The following THSD7B variants were observed in gnomAD, a reference collection of about 807,000 sequenced individuals.
THSD7B encodes the protein thrombospondin type 1 domain containing 7B.
THSD7B carries 138 observed loss-of-function variants against 213.6 expected under a neutral mutation model. The ratio of observed to expected loss-of-function variants is 0.65; its 90% CI spans 0.56 to 0.74. The LOEUF is 0.74. Among genes scored for constraint, THSD7B ranks in the 30% least tolerant of loss-of-function variants. The pLI is 0.00. For missense variants in THSD7B, 1,931 were observed against 1,991.5 expected, an observed-to-expected ratio of 0.97 and a Z score of 0.58; for synonymous variants, 742 against 687.0, an observed-to-expected ratio of 1.08 and a Z score of -1.25.
chr2:137,518,155 C>T (rs1680109965), intron 15 of THSD7B, among the ~76,000 whole-genome samples: 1 of 152,156 alleles, frequency 6.6e-6, no homozygotes, highest in African/African-American at 2.4e-5. Context: ...ATGGTCTCCA[C>T]TCCTGCCACC....
chr2:137,536,018 C>T (rs550417141), intron 15 of THSD7B, among the ~76,000 whole-genome samples: 8 of 150,636 alleles, frequency 5.3e-5, no homozygotes, highest in East Asian at 2.0e-4. Context: ...GGGACCTAAC[C>T]GGCCATGAGT....
chr2:137,479,138 G>A (rs1387650026), intron 15 of THSD7B, among the ~76,000 whole-genome samples: 1 of 152,250 alleles, frequency 6.6e-6, no homozygotes, highest in African/African-American at 2.4e-5. Flanking sequence ...TGGCAGTGCA[G>A]TGGCAGAACA....
At chr2:137,607,526 G>A (rs1319353221) in intron 17 of THSD7B, among the ~76,000 whole-genome samples, 2 of 152,114 alleles carry the variant, frequency 1.3e-5, no homozygotes, top group East Asian at 3.9e-4. Flanking sequence ...GTCCATATTT[G>A]TAGTTCTCAT....
At chr2:137,666,240 T>C (rs551086810) in intron 26 of THSD7B, among the ~76,000 whole-genome samples, 41 of 152,220 alleles carry the variant, frequency 2.7e-4, no homozygotes, top group South Asian at 1.2e-3. Context: ...TAAGTTGTTA[T>C]GGATTATAAG....
chr2:137,345,294 C>T (rs545226907), intron 12 of THSD7B, among the ~76,000 whole-genome samples: 14 of 151,570 alleles, frequency 9.2e-5, no homozygotes, highest in Non-Finnish European at 1.8e-4. Context: ...GAATAAAACA[C>T]ATTTTGACAT....
intron 2 of THSD7B, among the ~76,000 whole-genome samples, chr2:137,038,718 G>A (rs1686823307): frequency 6.6e-6 from 1 of 152,240 alleles, no homozygotes; most frequent in African/African-American, 2.4e-5. Flanking sequence ...CAAGGAGGCA[G>A]GGTTGCAGTC....
At chr2:137,535,923 G>A (rs1680497006) in intron 15 of THSD7B, among the ~76,000 whole-genome samples, 2 of 151,384 alleles carry the variant, frequency 1.3e-5, no homozygotes, top group Non-Finnish European at 3.0e-5. Context: ...GGAACAGTAA[G>A]AAGGGTGGTG....
At chr2:136,832,912 C>G (rs1326347952) in intron 1 of THSD7B, among the ~76,000 whole-genome samples, 13 of 152,182 alleles carry the variant, frequency 8.5e-5, no homozygotes, top group Non-Finnish European at 1.9e-4. Context: ...CTTTATCTCA[C>G]TCTTACGTTT....
At chr2:137,432,010 A>G (rs970497148) in intron 14 of THSD7B, among the ~76,000 whole-genome samples, 1 of 152,204 alleles carries the variant, frequency 6.6e-6, no homozygotes, top group Non-Finnish European at 1.5e-5. Flanking sequence ...ACTACTCTCA[A>G]ATTGGAAAGA....
At chr2:137,290,712 T>C (rs1047363485) in intron 12 of THSD7B, among the ~76,000 whole-genome samples, 5 of 152,142 alleles carry the variant, frequency 3.3e-5, no homozygotes, top group African/African-American at 9.6e-5. Flanking sequence ...GACAATATAA[T>C]GATCATTCAA....
intron 15 of THSD7B, among the ~76,000 whole-genome samples, chr2:137,533,463 A>C (rs768462631): frequency 7.2e-5 from 11 of 151,924 alleles, no homozygotes; most frequent in Non-Finnish European, 1.3e-4. Flanking sequence ...CTTATTAAAA[A>C]AACTTCAACT....
At chr2:137,229,755 C>T (rs1384026517) in intron 7 of THSD7B, among the ~76,000 whole-genome samples, 1 of 152,142 alleles carries the variant, frequency 6.6e-6, no homozygotes, top group Admixed American at 6.5e-5. Context: ...CCTCTCTGAG[C>T]CTCTGCTCTG....
At chr2:137,235,379 T>C (rs1681742013) in intron 9 of THSD7B, among the ~76,000 whole-genome samples, 1 of 152,174 alleles carries the variant, frequency 6.6e-6, no homozygotes, top group Admixed American at 6.5e-5. Flanking sequence ...TCCACAAAGC[T>C]TTTCATCTTT....
chr2:136,930,060 T>C (rs1174936339), intron 2 of THSD7B, among the ~76,000 whole-genome samples: 1 of 152,196 alleles, frequency 6.6e-6, no homozygotes, highest in Admixed American at 6.5e-5. Flanking sequence ...GTTATGTGTG[T>C]TTTATGACCT....
At chr2:137,426,525 T>G (rs547114393) in intron 14 of THSD7B, among the ~76,000 whole-genome samples, 1 of 152,194 alleles carries the variant, frequency 6.6e-6, no homozygotes, top group South Asian at 2.1e-4. Flanking sequence ...GAAATAAATG[T>G]TGCGCTAGTA....
intron 2 of THSD7B, among the ~76,000 whole-genome samples, chr2:136,971,823 T>G (rs930914228): frequency 3.9e-5 from 6 of 152,076 alleles, no homozygotes; most frequent in Admixed American, 1.3e-4. Flanking sequence ...TCTCTCATAA[T>G]AAGAAGTTTC....
In THSD7B at chr2:137,620,689, G is replaced by A. The variant is rs756570595; in HGVS notation, c.3762G>A (p.Thr1254=). The change falls in exon 20 of 28, where the codon ACG becomes ACA. Residue 1254 remains threonine (T), a synonymous_variant. Coordinates refer to ENST00000409968, the MANE Select transcript of THSD7B (RefSeq NM_001316349.2). ...CVVNCQLSGW[T]AWTECSQTCG... ...TCAACTGTCAGCTCTCAGGGTGGAC[G>A]GCTTGGACAGAGTGTTCACAGACCT... The A allele has an allele frequency of 1.9e-5, 30 of 1,613,786 alleles. No homozygotes were observed. Among genetic ancestry groups the A allele is most frequent in the South Asian group, 6.6e-5 (6 of 91,084 alleles).
intron 2 of THSD7B, among the ~76,000 whole-genome samples, chr2:137,030,619 C>A (rs532767495): frequency 5.3e-5 from 8 of 152,264 alleles, no homozygotes; most frequent in African/African-American, 1.9e-4. Flanking sequence ...TGGTCTCTTA[C>A]AGCAACTTGG....
At chr2:137,286,052 C>T (rs1683169348) in intron 12 of THSD7B, among the ~76,000 whole-genome samples, 2 of 149,296 alleles carry the variant, frequency 1.3e-5, no homozygotes, top group Non-Finnish European at 3.0e-5. Context: ...TGCAGTGAGC[C>T]GAGATCTCGC....
Sources: gnomAD v4.1 joint callset for allele counts (sites outside exome capture counted in the v4.1 genomes callset) on GRCh38, gnomAD v4.1.1 for gene constraint, MANE v1.5 for transcripts, NCBI Gene and HGNC (gene_info 2026-07-23, HGNC 2026-07-21) for gene names.